The following ORC3 variants were observed in gnomAD, a reference collection of about 807,000 sequenced individuals.
The protein encoded by ORC3 is origin recognition complex subunit 3, also known as homolog of latheo, Drosophila.
ORC3 carries 78 observed loss-of-function variants against 100.7 expected under a neutral mutation model. That is an observed-to-expected ratio of 0.77 (90% CI 0.65 to 0.94). The LOEUF (loss-of-function observed/expected upper bound fraction) is 0.94, where lower values mean the gene tolerates loss of function less well. Ranked by LOEUF, ORC3 falls within the 40% of genes least tolerant of loss-of-function variation. ORC3 has a pLI of 0.00. For missense variants in ORC3, 789 were observed against 823.9 expected, an observed-to-expected ratio of 0.96 and a Z score of 0.52; for synonymous variants, 295 against 289.3, an observed-to-expected ratio of 1.02 and a Z score of -0.20.
chr6:87,649,220 C>T (rs190353746), intron 13 of ORC3, among the ~76,000 whole-genome samples: 1 of 152,260 alleles, frequency 6.6e-6, no homozygotes, highest in Admixed American at 6.5e-5. Flanking sequence ...TTTTCCCTCA[C>T]TGATTTGAAA....
chr6:87,653,124 CA>C lies in ORC3; in HGVS notation c.1394del (p.Lys465ArgfsTer4). On this transcript the variant is annotated frameshift_variant, in exon 14 of 20. Coordinates refer to ENST00000392844, the MANE Select transcript of ORC3 (RefSeq NM_012381.4). LOFTEE classifies it high-confidence loss of function. ...ASVLQLLRML[A>X]KDELMTILEK... ...CACTGACTCTGTTCTAGGATGTTGGCAAAGGATGAACTGATGACCATACTTG... is the reference window on the plus strand; with the variant it reads ...CACTGACTCTGTTCTAGGATGTTGGCAAGGATGAACTGATGACCATACTTG... The C allele has an allele frequency of 6.2e-7, 1 of 1,611,428 alleles. No homozygotes were observed. The highest frequency in any genetic ancestry group is 8.5e-7 in the Non-Finnish European group (1 of 1,178,248).
At chr6:87,639,825 CAAAAAAAAAAAAAA>C (rs548788316) in intron 13 of ORC3, among the ~76,000 whole-genome samples, 1 of 58,766 alleles carries the variant, frequency 1.7e-5, no homozygotes, top group Non-Finnish European at 3.3e-5. Flanking sequence ...GCCAAAAATA[CAAAAAAAAAAAAAA>C]AAAAAAAAAA....
chr6:87,673,833 C>T, the ORC3 span, among the ~76,000 whole-genome samples: 1 of 151,190 alleles, frequency 6.6e-6, no homozygotes, highest in Non-Finnish European at 1.5e-5. Context: ...GAGCAAGACT[C>T]CATCTCAAAA....
At chr6:87,666,679 T>C (rs1582102424) in intron 19 of ORC3, among the ~76,000 whole-genome samples, 1 of 152,186 alleles carries the variant, frequency 6.6e-6, no homozygotes, top group East Asian at 1.9e-4. Flanking sequence ...CCTTAGGTGA[T>C]CTGCCTGCCT....
chr6:87,615,464 G>A (rs1043436532), intron 8 of ORC3, among the ~76,000 whole-genome samples: 1 of 152,154 alleles, frequency 6.6e-6, no homozygotes, highest in Non-Finnish European at 1.5e-5. Flanking sequence ...GGGTTTTAGT[G>A]TTTTTCTTTT....
chr6:87,595,635 G>A (rs1777376106), intron 2 of ORC3, among the ~76,000 whole-genome samples: 1 of 152,116 alleles, frequency 6.6e-6, no homozygotes, highest in South Asian at 2.1e-4. Context: ...TCTCTCGGAA[G>A]CACCAGGGTC....
In ORC3 at chr6:87,636,569, G is replaced by T. The variant is rs191910656; in HGVS notation, c.1382+83G>T. 6 of 805,810 alleles carry T rather than the reference G, an allele frequency of 7.4e-6. No individual in the cohort carries two copies. The Admixed American group carries it at 1.2e-4, about 17-fold the overall frequency. The allele number at this position is 805,810 out of a possible 1,614,324, so 49.9% of individuals were successfully genotyped here. A position where few individuals can be genotyped will look rare whatever the true frequency, so the allele number is the denominator to read the frequency against. On this transcript the variant is annotated intron_variant, in intron 13 of 19. Transcript: ENST00000392844. ...AGCACCTTCCTCTAGAACCCTGCCTGCCAAAAAGTTTCATAAATAGCCATG... is the reference window on the plus strand; with the variant it reads ...AGCACCTTCCTCTAGAACCCTGCCTTCCAAAAAGTTTCATAAATAGCCATG...
At chr6:87,640,692 C>T (rs1583114378) in intron 13 of ORC3, among the ~76,000 whole-genome samples, 1 of 152,184 alleles carries the variant, frequency 6.6e-6, no homozygotes, top group South Asian at 2.1e-4. Flanking sequence ...AATTTTACCC[C>T]TCTATTGGAG....
intron 3 of ORC3, among the ~76,000 whole-genome samples, chr6:87,603,164 A>AAG (rs1280595976): frequency 6.6e-6 from 1 of 151,218 alleles, no homozygotes; most frequent in Non-Finnish European, 1.5e-5. Context: ...TTTATCTAAA[A>AAG]AGATGAGGTC....
intron 1 of ORC3, among the ~76,000 whole-genome samples, chr6:87,593,042 A>G (rs1486340255): frequency 1.3e-5 from 2 of 152,148 alleles, no homozygotes; most frequent in African/African-American, 4.8e-5. Flanking sequence ...GCAGTGAGCC[A>G]GGATCGCACC....
At chr6:87,675,824 A>T in the ORC3 span, 2 of 1,581,198 alleles carry the variant, frequency 1.3e-6, no homozygotes, top group Non-Finnish European at 1.7e-6. Flanking sequence ...AGACAGTCTT[A>T]TTTTCAGTTT....
chr6:87,642,153 G>A (rs2128282296), intron 13 of ORC3, among the ~76,000 whole-genome samples: 1 of 152,238 alleles, frequency 6.6e-6, no homozygotes, highest in East Asian at 1.9e-4. Context: ...AAAAGTATAT[G>A]AGCGTGGTGG....
At chr6:87,627,724 T>C (rs1271000935) in intron 11 of ORC3, among the ~76,000 whole-genome samples, 3 of 152,180 alleles carry the variant, frequency 2.0e-5, no homozygotes, top group Admixed American at 6.6e-5. Context: ...CCATTAGAGT[T>C]TATCATTTTG....
At chr6:87,644,286 G>C (rs1280415580) in intron 13 of ORC3, among the ~76,000 whole-genome samples, 1 of 150,394 alleles carries the variant, frequency 6.6e-6, no homozygotes, top group Non-Finnish European at 1.5e-5. Context: ...TAGAGACGGG[G>C]TTTCACCGTT....
intron 13 of ORC3, among the ~76,000 whole-genome samples, chr6:87,644,690 A>AAT (rs1363604603): frequency 3.3e-5 from 5 of 152,018 alleles, no homozygotes; most frequent in Non-Finnish European, 7.4e-5. Flanking sequence ...CTCTACTAAA[A>AAT]ATACAAAAAT....
At chr6:87,613,008 T>C (rs1045994117) in intron 8 of ORC3, among the ~76,000 whole-genome samples, 2 of 152,260 alleles carry the variant, frequency 1.3e-5, no homozygotes, top group Admixed American at 6.5e-5. Context: ...AACATTTTCC[T>C]AGACCTTAGC....
intron 11 of ORC3, among the ~76,000 whole-genome samples, chr6:87,631,211 T>C (rs1046363049): frequency 2.0e-5 from 3 of 151,846 alleles, no homozygotes; most frequent in Non-Finnish European, 4.4e-5. Context: ...AGCAGAGAAA[T>C]ATTTCTGTTC....
intron 14 of ORC3, among the ~76,000 whole-genome samples, 180 bp from the exon 15 acceptor site, chr6:87,656,726 A>G (rs755065540): frequency 6.6e-6 from 1 of 152,204 alleles, no homozygotes. Context: ...CTACAGCACA[A>G]GTTATATATT....
chr6:87,612,258 A>G lies in ORC3; in HGVS notation c.873+10A>G, dbSNP rs763629530. Reference sequence around the variant, plus strand: ...TACGGTACTCGATAAGGTAAAAAGAATAAGTTTTACCAGTGAAATAGGATG... The same window carrying G: ...TACGGTACTCGATAAGGTAAAAAGAGTAAGTTTTACCAGTGAAATAGGATG... On this transcript the variant is annotated intron_variant, in intron 8 of 19. Transcript: ENST00000392844. 8 of 1,581,508 alleles carry G rather than the reference A, an allele frequency of 5.1e-6. No individual in the cohort carries two copies. The highest frequency in any genetic ancestry group is 2.3e-5 in the East Asian group (1 of 44,326).
Sources: allele counts gnomAD v4.1 joint callset (sites outside exome capture counted in the v4.1 genomes callset), GRCh38; gene constraint gnomAD v4.1.1; transcripts MANE v1.5; gene names NCBI Gene and HGNC (gene_info 2026-07-23, HGNC 2026-07-21).